Variants in CLASP1 observed in about 807,000 individuals in gnomAD.
The protein encoded by CLASP1 is CLIP-associating protein 1.
CLASP1 carries 38 observed loss-of-function variants against 192.3 expected under a neutral mutation model. That is an observed-to-expected ratio of 0.20 (90% CI 0.15 to 0.26). CLASP1 has a LOEUF of 0.26. Among genes scored for constraint, CLASP1 ranks in the 10% least tolerant of loss-of-function variants. The probability of loss-of-function intolerance (pLI) is 1.00; values close to 1 mark genes in which losing one functional copy is unlikely to be tolerated. For synonymous variants in CLASP1, 691 were observed against 712.8 expected, an observed-to-expected ratio of 0.97 and a Z score of 0.49; for missense variants, 1,433 against 1,932.5, an observed-to-expected ratio of 0.74 and a Z score of 4.85.
rs1478456446 is a variant in CLASP1, at chr2:121,418,735, G to A, written c.2213-6C>T. 7 of 1,599,286 alleles carry A rather than the reference G, an allele frequency of 4.4e-6. No individual in the cohort carries two copies. Among genetic ancestry groups the A allele is most frequent in the South Asian group, 1.1e-5 (1 of 90,760 alleles). ...AGGGATACGGCTGCTCCGTGCTAGC[G>A]TGCAGCATGAAGGGTTTCAGAGAAG... On this transcript the variant is annotated splice_region_variant and splice_polypyrimidine_tract_variant and intron_variant, in intron 22 of 39. Transcript: ENST00000263710.
Position 121,642,589 on chromosome 2 carries a change from G to A in CLASP1, c.-286+6783C>T, listed in dbSNP as rs184766164. On this transcript the variant is annotated intron_variant, in intron 1 of 39. Coordinates refer to ENST00000263710, the Ensembl canonical transcript of CLASP1. ...ACTACTAAAAATACAAGAATGAGCCGGGCGTGGTGGCGCACACCTGTAATC... is the reference window on the plus strand; with the variant it reads ...ACTACTAAAAATACAAGAATGAGCCAGGCGTGGTGGCGCACACCTGTAATC... Among the ~76,000 whole-genome samples, 316 of 149,946 alleles carry A rather than the reference G, an allele frequency of 2.1e-3. 1 individual carries two copies. The highest frequency in any genetic ancestry group is 7.3e-3 in the African/African-American group (296 of 40,746).
At chr2:121,642,892 T>C (rs2106346952) in intron 1 of CLASP1, among the ~76,000 whole-genome samples, 2 of 152,324 alleles carry the variant, frequency 1.3e-5, no homozygotes, top group East Asian at 3.9e-4. Flanking sequence ...ATGGACAGTC[T>C]CAAAGAGTGA....
At chr2:121,425,960 A>G (rs2080298267) in intron 21 of CLASP1, among the ~76,000 whole-genome samples, 1 of 152,098 alleles carries the variant, frequency 6.6e-6, no homozygotes. Flanking sequence ...TGTGGGCAAC[A>G]ACAGGGAGAC....
intron 8 of CLASP1, among the ~76,000 whole-genome samples, chr2:121,478,992 CCA>C (rs2092314771): frequency 1.6e-5 from 1 of 63,358 alleles, no homozygotes; most frequent in Admixed American, 1.6e-4. Flanking sequence ...ACCACACACC[CCA>C]CACACACACC....
intron 22 of CLASP1, 76 bp from the exon 23 acceptor site, chr2:121,418,805 C>A: frequency 9.4e-7 from 1 of 1,059,368 alleles, no homozygotes; most frequent in South Asian, 1.3e-5. Flanking sequence ...AAATGTCAGT[C>A]ACATTTGGTT....
intron 34 of CLASP1, among the ~76,000 whole-genome samples, chr2:121,373,001 C>T (rs1009699817): frequency 2.6e-5 from 4 of 152,232 alleles, no homozygotes; most frequent in Non-Finnish European, 5.9e-5. Context: ...GACCTCCATG[C>T]TTCAGTTCAG....
chr2:121,386,496 T>C (rs1487108539), intron 32 of CLASP1, among the ~76,000 whole-genome samples: 1 of 152,242 alleles, frequency 6.6e-6, no homozygotes, highest in Non-Finnish European at 1.5e-5. Context: ...CTAAAGGCTC[T>C]TGTCAGATGG....
chr2:121,483,188 C>A (rs925020741), intron 8 of CLASP1, among the ~76,000 whole-genome samples: 1 of 152,178 alleles, frequency 6.6e-6, no homozygotes, highest in East Asian at 1.9e-4. Context: ...CCCCGCCCCA[C>A]ACAGGGCCTG....
chr2:121,500,413 GA>G (rs1306285861), intron 8 of CLASP1, among the ~76,000 whole-genome samples: 311 of 132,658 alleles, frequency 2.3e-3, no homozygotes, highest in South Asian at 4.6e-3. Flanking sequence ...AAGAAAGAAA[GA>G]AAAAAAAGAA....
In CLASP1 at chr2:121,455,879, G is replaced by A. The variant is rs546798929; in HGVS notation, c.1385+1808C>T. On this transcript the variant is annotated intron_variant, in intron 14 of 39. Coordinates refer to ENST00000263710, the Ensembl canonical transcript of CLASP1. Reference sequence around the variant, plus strand: ...ACCACCTCTAAAGCAAACAAAATTGGACTCATAGAAGCAGAAAGTAGAATG... The same window carrying A: ...ACCACCTCTAAAGCAAACAAAATTGAACTCATAGAAGCAGAAAGTAGAATG... 6.6e-5 allele frequency among the ~76,000 whole-genome samples: 10 copies of A among 152,100 alleles called. No homozygotes were observed. In the East Asian group the frequency reaches 9.7e-4, roughly 15 times the overall value.
chr2:121,470,942 C>T (rs758942048), intron 8 of CLASP1, among the ~76,000 whole-genome samples: 22 of 151,882 alleles, frequency 1.4e-4, no homozygotes, highest in Non-Finnish European at 2.5e-4. Flanking sequence ...TTCGTAAGTT[C>T]ATTAACTTTT....
At chr2:121,462,817 T>C (rs545126919) in intron 9 of CLASP1, among the ~76,000 whole-genome samples, 2 of 152,310 alleles carry the variant, frequency 1.3e-5, no homozygotes, top group African/African-American at 2.4e-5. Flanking sequence ...CAATGCTATA[T>C]ACATTAGCTT....
exon 34 of CLASP1, chr2:121,377,532 T>C: frequency 9.3e-6 from 15 of 1,605,090 alleles, no homozygotes; most frequent in African/African-American, 1.3e-5. Context: ...CTCGTTTAAT[T>C]GGCTCATTCA....
chr2:121,586,326 C>T (rs758588183), intron 2 of CLASP1, among the ~76,000 whole-genome samples: 2 of 152,082 alleles, frequency 1.3e-5, no homozygotes, highest in Admixed American at 6.6e-5. Context: ...GGGGTTTCAC[C>T]GTGTTGGCCA....
intron 8 of CLASP1, among the ~76,000 whole-genome samples, chr2:121,482,914 A>G (rs2092700104): frequency 6.6e-6 from 1 of 152,190 alleles, no homozygotes; most frequent in African/African-American, 2.4e-5. Flanking sequence ...TCAGGGTAAG[A>G]TGAAAACAGA....
intron 2 of CLASP1, among the ~76,000 whole-genome samples, chr2:121,584,614 T>C (rs1444681010): frequency 6.6e-6 from 1 of 151,816 alleles, no homozygotes; most frequent in Non-Finnish European, 1.5e-5. Context: ...AATGGTGGGG[T>C]ATGTACCCCA....
At chr2:121,495,713 A>G (rs371992171) in intron 8 of CLASP1, among the ~76,000 whole-genome samples, 1 of 152,362 alleles carries the variant, frequency 6.6e-6, no homozygotes, top group Non-Finnish European at 1.5e-5. Flanking sequence ...ATTAAATTTT[A>G]AATGCATACT....
intron 34 of CLASP1, among the ~76,000 whole-genome samples, chr2:121,373,248 G>A (rs2069156449): frequency 6.6e-6 from 1 of 152,184 alleles, no homozygotes. Context: ...TTGCCACCAT[G>A]TGAAGACATA....
intron 29 of CLASP1, 35 bp downstream of exon 30, chr2:121,398,287 C>A (rs1294913625): frequency 1.4e-6 from 2 of 1,473,590 alleles, no homozygotes; most frequent in Non-Finnish European, 1.9e-6. Flanking sequence ...AATGTGAGTT[C>A]CAGGGTTGAA....
Sources: gnomAD v4.1 joint callset for allele counts (sites outside exome capture counted in the v4.1 genomes callset) on GRCh38, gnomAD v4.1.1 for gene constraint, MANE v1.5 for transcripts, NCBI Gene and HGNC (gene_info 2026-07-23, HGNC 2026-07-21) for gene names.